The following ARL3 variants were observed in gnomAD, a reference collection of about 807,000 sequenced individuals.
The protein encoded by ARL3 is ARF like GTPase 3, also known as ADP-ribosylation factor-like protein 3.
A neutral mutation model predicts 26.0 loss-of-function variants in ARL3; 9 were observed. That is an observed-to-expected ratio of 0.35 (90% CI 0.21 to 0.60). The LOEUF (loss-of-function observed/expected upper bound fraction) is 0.60. ARL3 is among the 20% of genes least tolerant of loss of function. The probability of loss-of-function intolerance (pLI) is 0.78; values close to 1 mark genes in which losing one functional copy is unlikely to be tolerated. For missense variants in ARL3, 158 were observed against 215.7 expected (o/e 0.73, Z 1.67); for synonymous variants, 71 against 78.4 (o/e 0.91, Z 0.50).
chr10:102,712,013 A>T (rs774849625), intron 1 of ARL3, among the ~76,000 whole-genome samples: 3 of 152,188 alleles, frequency 2.0e-5, no homozygotes, highest in Non-Finnish European at 4.4e-5. Flanking sequence ...TATATGTAGA[A>T]AGTGCTCCAT....
chr10:102,688,899 T>C (rs1047522164), intron 4 of ARL3, among the ~76,000 whole-genome samples: 2 of 152,234 alleles, frequency 1.3e-5, no homozygotes, highest in Non-Finnish European at 2.9e-5. Context: ...AAATGAGAAG[T>C]GACTTGTTCC....
intron 3 of ARL3, among the ~76,000 whole-genome samples, chr10:102,690,755 CCATCA>C (rs1264891507): frequency 1.3e-5 from 2 of 152,156 alleles, no homozygotes; most frequent in Admixed American, 6.6e-5. Flanking sequence ...CCCCTCCCTT[CCATCA>C]CACTTCAAGT....
intron 3 of ARL3, among the ~76,000 whole-genome samples, chr10:102,697,096 G>A (rs1333294555): frequency 1.3e-5 from 2 of 152,016 alleles, no homozygotes; most frequent in Non-Finnish European, 2.9e-5. Flanking sequence ...ACAATGGTAA[G>A]TATTTATGGA....
At chr10:102,687,351 C>T (rs1209463319) in intron 4 of ARL3, among the ~76,000 whole-genome samples, 2 of 151,554 alleles carry the variant, frequency 1.3e-5, no homozygotes, top group African/African-American at 2.4e-5. Context: ...CTTAACTTAG[C>T]CTCCTGATCA....
chr10:102,707,485 A>G (rs2064316056), intron 1 of ARL3, among the ~76,000 whole-genome samples: 1 of 152,234 alleles, frequency 6.6e-6, no homozygotes. Flanking sequence ...TAAAGGGCAT[A>G]TAATTTAATC....
intron 1 of ARL3, 103 bp downstream of exon 1, chr10:102,714,170 T>C: frequency 2.4e-6 from 3 of 1,253,098 alleles, no homozygotes; most frequent in Non-Finnish European, 3.1e-6. Flanking sequence ...CTGAGCGACG[T>C]CCCATTCCCT....
At chr10:102,689,765 T>C in intron 4 of ARL3, 128 bp downstream of exon 4, 3 of 431,968 alleles carry the variant, frequency 6.9e-6, no homozygotes, top group Non-Finnish European at 1.2e-5. Context: ...GAGGCGGAGG[T>C]TGGGGTGAGC....
In ARL3 at chr10:102,701,585, T is replaced by C. The variant is rs74454895; in HGVS notation, c.148-2096A>G. On this transcript the variant is annotated intron_variant, in intron 2 of 5. Coordinates refer to ENST00000260746, the MANE Select transcript of ARL3 (RefSeq NM_004311.4). The stretch of plus-strand genomic sequence containing the variant: ...TTGTGACTCACTGGCAAAACTACTT[T>C]AGTGTATTTAAAAATTCCACACTCA... 9.5e-4 allele frequency among the ~76,000 whole-genome samples: 144 copies of C among 152,342 alleles called. 4 individuals are homozygous for C. In the East Asian group the frequency reaches 0.025, roughly 26 times the overall value.
In ARL3 at chr10:102,699,395, T is replaced by G; in HGVS notation, c.242A>C (p.Tyr81Ser). 1 of 1,605,784 alleles carries G rather than the reference T, an allele frequency of 6.2e-7. No homozygotes were observed. The highest frequency in any genetic ancestry group is 8.5e-7 in the Non-Finnish European group (1 of 1,172,768). Residue 81 changes from tyrosine to serine, a missense_variant, in exon 3 of 6, where the codon TAT becomes TCT. By Grantham distance (144) the Tyr-to-Ser change is moderately radical. Transcript: ENST00000260746. The part of the protein sequence containing the change: ...QRKIRPYWKN[Y>S]FENTDILIYV... Reference sequence around the variant, plus strand: ...TACAAGAATATCGGTATTTTCAAAATAATTCTTCCAGTATGGTCTGATTTT... The same window carrying G: ...TACAAGAATATCGGTATTTTCAAAAGAATTCTTCCAGTATGGTCTGATTTT...
In ARL3 at chr10:102,693,214, G is replaced by GTAC. The variant is rs2064229050; in HGVS notation, c.265-3274_265-3272dup. Among the ~76,000 whole-genome samples, 3 of 152,328 alleles carry GTAC rather than the reference G, an allele frequency of 2.0e-5. No individual in the cohort carries two copies. In the South Asian group the frequency reaches 6.2e-4, roughly 32 times the overall value. On this transcript the variant is annotated intron_variant, in intron 3 of 5. Transcript: ENST00000260746. ...CAACTAACTGGGTATATATCTTGGA[G>GTAC]TACTGCTGGACTGTATGCTAAGACT...
chr10:102,689,831 A>C, intron 4 of ARL3, 62 bp downstream of exon 4: 1 of 1,041,584 alleles, frequency 9.6e-7, no homozygotes, highest in Non-Finnish European at 1.4e-6. Flanking sequence ...CTCCGTCTCA[A>C]AAAAAAAAAA....
chr10:102,706,344 C>T (rs751266573), intron 1 of ARL3, among the ~76,000 whole-genome samples: 2 of 151,728 alleles, frequency 1.3e-5, no homozygotes, highest in Admixed American at 6.6e-5. Context: ...CCCACCTACT[C>T]GAAATGCTGA....
chr10:102,690,050 C>A, intron 3 of ARL3, 107 bp from the exon 4 acceptor site: 1 of 621,042 alleles, frequency 1.6e-6, no homozygotes, highest in Admixed American at 2.6e-5. Flanking sequence ...CCAATTAGCA[C>A]AACATACAGA....
At position 102,685,950 on chromosome 10, in the gene ARL3, T is replaced by C. The variant is rs752095202; in HGVS notation, c.367A>G (p.Ile123Val). Reference protein sequence around the residue: ...EEKLSCVPVLIFANKQDLLTA... With the variant: ...EEKLSCVPVLVFANKQDLLTA... ...AGCAAATCCTGCTTATTAGCAAAGA[T>C]GAGCACTGGCACACAACTTAGTTTT... The change falls in exon 5 of 6, where the codon ATC becomes GTC. Residue 123 changes from isoleucine (I) to valine (V), a missense_variant. Ile to Val is a conservative substitution (Grantham distance 29). Coordinates refer to ENST00000260746, the MANE Select transcript of ARL3 (RefSeq NM_004311.4). The C allele has an allele frequency of 3.0e-5, 49 of 1,614,058 alleles. No individual in the cohort carries two copies. The highest frequency in any genetic ancestry group is 4.0e-5 in the Non-Finnish European group (47 of 1,180,034).
intron 3 of ARL3, among the ~76,000 whole-genome samples, chr10:102,696,767 G>A (rs1372103593): frequency 6.6e-6 from 1 of 152,188 alleles, no homozygotes; most frequent in Non-Finnish European, 1.5e-5. Flanking sequence ...AGAAGACTGT[G>A]GGAAGAGTAG....
intron 1 of ARL3, among the ~76,000 whole-genome samples, chr10:102,708,908 A>ATTTTTTT (rs1554864095): frequency 3.1e-5 from 3 of 95,350 alleles, no homozygotes; most frequent in African/African-American, 8.4e-5. Context: ...ATATATATAT[A>ATTTTTTT]TTTTTTTTTT....
intron 1 of ARL3, among the ~76,000 whole-genome samples, chr10:102,711,177 C>A (rs946723594): frequency 6.6e-6 from 1 of 152,132 alleles, no homozygotes; most frequent in Non-Finnish European, 1.5e-5. Flanking sequence ...ATCACCCTCT[C>A]CTAAATAAAT....
chr10:102,685,249 CAAA>C (rs66482677), intron 5 of ARL3, among the ~76,000 whole-genome samples: 19 of 105,430 alleles, frequency 1.8e-4, no homozygotes, highest in Non-Finnish European at 3.0e-4. Context: ...AACTCCGTCT[CAAA>C]AAAAAAAAAA....
rs1188165142 is a variant in ARL3, at chr10:102,675,679, A to G, written c.*1215T>C. Reference sequence around the variant, plus strand: ...TTCCTCTCCAATCAATCAACAGAGGACGGACATTCTGCTGCAGAGAGGCAG... The same window carrying G: ...TTCCTCTCCAATCAATCAACAGAGGGCGGACATTCTGCTGCAGAGAGGCAG... On this transcript the variant is annotated 3_prime_UTR_variant, in exon 6 of 6. Coordinates refer to ENST00000260746, the MANE Select transcript of ARL3 (RefSeq NM_004311.4). 6.6e-6 allele frequency: 1 copy of G among 152,136 alleles called. No homozygotes were observed. The highest frequency in any genetic ancestry group is 1.5e-5 in the Non-Finnish European group (1 of 68,024). 9.4% of individuals were successfully genotyped at this position (152,136 alleles called of 1,614,324 possible). A position where few individuals can be genotyped will look rare whatever the true frequency, so the allele number is the denominator to read the frequency against.
Sources: gnomAD v4.1 joint callset for allele counts (sites outside exome capture counted in the v4.1 genomes callset) on GRCh38, gnomAD v4.1.1 for gene constraint, MANE v1.5 for transcripts, NCBI Gene and HGNC (gene_info 2026-07-23, HGNC 2026-07-21) for gene names.